Variants in PCDH15 observed in about 807,000 individuals in gnomAD.
PCDH15 encodes protocadherin related 15, also known as protocadherin-15.
In PCDH15, 129 loss-of-function variants were observed where a neutral mutation model predicts 178.5. The observed-to-expected ratio is 0.72, with a 90% CI of 0.63 to 0.84. The LOEUF (loss-of-function observed/expected upper bound fraction) is 0.84, where lower values mean the gene tolerates loss of function less well. PCDH15 is among the 40% of genes least tolerant of loss of function. The probability of loss-of-function intolerance (pLI) is 0.00; values close to 1 mark genes in which losing one functional copy is unlikely to be tolerated. For missense variants in PCDH15, 2,230 were observed against 2,099.9 expected (o/e 1.06, Z -1.21); for synonymous variants, 800 against 732.0 (o/e 1.09, Z -1.50).
At chr10:53,991,379 G>T (rs1239391933) in intron 21 of PCDH15, among the ~76,000 whole-genome samples, 1 of 152,062 alleles carries the variant, frequency 6.6e-6, no homozygotes, top group African/African-American at 2.4e-5. Context: ...GCACCAATCA[G>T]CACTCTGTAT....
intron 2 of PCDH15, among the ~76,000 whole-genome samples, chr10:55,344,905 G>A (rs1038180091): frequency 1.3e-5 from 2 of 151,982 alleles, no homozygotes; most frequent in Non-Finnish European, 2.9e-5. Flanking sequence ...CTATAAAGTT[G>A]TACTTAGAAA....
chr10:54,010,401 G>A (rs944211826), intron 20 of PCDH15, among the ~76,000 whole-genome samples: 1 of 152,150 alleles, frequency 6.6e-6, no homozygotes, highest in African/African-American at 2.4e-5. Context: ...AGAGGGCAAG[G>A]CAGGTCACCA....
At chr10:54,103,713 T>C (rs931497959) in intron 15 of PCDH15, among the ~76,000 whole-genome samples, 6 of 152,210 alleles carry the variant, frequency 3.9e-5, no homozygotes, top group Non-Finnish European at 8.8e-5. Flanking sequence ...GGCTCTCTTT[T>C]AATCCATATT....
intron 21 of PCDH15, among the ~76,000 whole-genome samples, chr10:53,987,287 T>C (rs1564936001): frequency 6.6e-6 from 1 of 152,068 alleles, no homozygotes; most frequent in South Asian, 2.1e-4. Flanking sequence ...AAGACTCTAG[T>C]AGTCTTTCAA....
intron 14 of PCDH15, among the ~76,000 whole-genome samples, chr10:54,145,738 A>G (rs575666219): frequency 6.6e-6 from 1 of 152,234 alleles, no homozygotes; most frequent in African/African-American, 2.4e-5. Flanking sequence ...TAAGTAAAGC[A>G]GTAGTAAGAG....
chr10:54,731,561 T>TATATATATATATATATATATATATAC (rs1566067493), intron 1 of PCDH15, among the ~76,000 whole-genome samples: 2 of 48,302 alleles, frequency 4.1e-5, no homozygotes, highest in African/African-American at 7.4e-5. Context: ...TATATATATA[T>TATATATATATATATATATATATATAC]ATACACACAC....
intron 10 of PCDH15, among the ~76,000 whole-genome samples, chr10:54,201,603 C>T (rs2133981748): frequency 6.6e-6 from 1 of 152,062 alleles, no homozygotes; most frequent in South Asian, 2.1e-4. Flanking sequence ...CGGACAATCC[C>T]TGGTATATGG....
At position 55,177,102 on chromosome 10, in the gene PCDH15, T is replaced by G. The variant is rs143946575; in HGVS notation, c.-155-10451A>C. On this transcript the variant is annotated intron_variant, in intron 1 of 5. Coordinates refer to the PCDH15 transcript ENST00000458638. ...GCTCTATCAGACTTCAGTGAAGTAC[T>G]TAGGTTTAGTCTTGTCAGAGGGAAC... Among the ~76,000 whole-genome samples, 15 of 152,298 alleles carry G rather than the reference T, an allele frequency of 9.8e-5. 1 individual carries two copies. The East Asian group carries it at 2.9e-3, about 29-fold the overall frequency.
chr10:54,755,682 TCATA>T (rs1366452520), intron 1 of PCDH15, among the ~76,000 whole-genome samples: 10 of 151,834 alleles, frequency 6.6e-5, no homozygotes, highest in Admixed American at 6.5e-4. Context: ...CTAATCATGC[TCATA>T]CATAAAGATC....
intron 26 of PCDH15, among the ~76,000 whole-genome samples, chr10:53,869,273 GAA>G (rs2079662540): frequency 6.6e-6 from 1 of 152,066 alleles, no homozygotes; most frequent in African/African-American, 2.4e-5. Flanking sequence ...AATGAACAAA[GAA>G]AGAAAAACAG....
intron 2 of PCDH15, among the ~76,000 whole-genome samples, chr10:55,410,898 T>C (rs771517409): frequency 4.6e-5 from 7 of 152,070 alleles, no homozygotes; most frequent in Non-Finnish European, 1.0e-4. Flanking sequence ...TTGCTGCTGG[T>C]CTCACAGGCC....
intron 2 of PCDH15, among the ~76,000 whole-genome samples, chr10:55,069,045 G>A (rs1183019938): frequency 6.9e-6 from 1 of 145,610 alleles, no homozygotes; most frequent in Non-Finnish European, 1.5e-5. Flanking sequence ...TTACAGGTAT[G>A]TTCCACCATG....
intron 3 of PCDH15, among the ~76,000 whole-genome samples, chr10:54,857,706 C>G (rs957792706): frequency 2.6e-5 from 4 of 151,946 alleles, no homozygotes; most frequent in Non-Finnish European, 5.9e-5. Context: ...CCCACCTTAG[C>G]CTCCCAAACT....
chr10:55,350,201 G>A (rs769915560), intron 2 of PCDH15, among the ~76,000 whole-genome samples: 61 of 136,270 alleles, frequency 4.5e-4, no homozygotes, highest in Non-Finnish European at 8.3e-4. Context: ...TGTATATGTA[G>A]GGGTGAATAT....
chr10:55,370,945 G>T (rs1845493660), intron 2 of PCDH15, among the ~76,000 whole-genome samples: 1 of 152,092 alleles, frequency 6.6e-6, no homozygotes, highest in Admixed American at 6.6e-5. Flanking sequence ...TAACTTTGAG[G>T]TTGCATCTGA....
chr10:54,036,378 TG>T (rs1359162418), intron 18 of PCDH15, among the ~76,000 whole-genome samples: 1 of 152,004 alleles, frequency 6.6e-6, no homozygotes, highest in Non-Finnish European at 1.5e-5. Context: ...TGCTAAGAGC[TG>T]GTGACTTTAA....
chr10:55,506,546 T>C (rs1015982003), intron 2 of PCDH15, among the ~76,000 whole-genome samples: 5 of 151,498 alleles, frequency 3.3e-5, no homozygotes, highest in Admixed American at 6.6e-5. Flanking sequence ...ACTGAACCAT[T>C]TCAAGGCTCA....
intron 8 of PCDH15, among the ~76,000 whole-genome samples, chr10:54,289,017 C>T (rs980609180): frequency 6.6e-6 from 1 of 152,236 alleles, no homozygotes; most frequent in African/African-American, 2.4e-5. Context: ...CAGTTGTTCT[C>T]CCAGCATGGC....
At position 55,243,716 on chromosome 10, in the gene PCDH15, G is replaced by A. The variant is rs913232851; in HGVS notation, c.-156+75883C>T. 1.6e-4 allele frequency among the ~76,000 whole-genome samples: 25 copies of A among 152,238 alleles called. 1 individual carries two copies. The highest frequency in any genetic ancestry group is 9.2e-4 in the Admixed American group (14 of 15,300). ...ATAATCAACATTCTGGCTTTAAAAG[G>A]CTCCCAGAAACAGTCTCTCTAAAGT... On this transcript the variant is annotated intron_variant, in intron 1 of 5. Transcript: ENST00000458638.
Sources: allele counts gnomAD v4.1 joint callset (sites outside exome capture counted in the v4.1 genomes callset), GRCh38; gene constraint gnomAD v4.1.1; transcripts MANE v1.5; gene names NCBI Gene and HGNC (gene_info 2026-07-23, HGNC 2026-07-21).